Variants in TTC39B observed in about 807,000 individuals in gnomAD.
TTC39B encodes the protein tetratricopeptide repeat protein 39B.
In TTC39B, 92 loss-of-function variants were observed where a neutral mutation model predicts 96.6. That is an observed-to-expected ratio of 0.95 (90% CI 0.80 to 1.13). The LOEUF is 1.13. TTC39B is among the 50% of genes most tolerant of loss of function. The probability of loss-of-function intolerance (pLI) is 0.00; values close to 1 mark genes in which losing one functional copy is unlikely to be tolerated. For synonymous variants in TTC39B, 367 were observed against 299.4 expected (o/e 1.23, Z -2.33); for missense variants, 955 against 809.3 (o/e 1.18, Z -2.18).
intron 2 of TTC39B, among the ~76,000 whole-genome samples, chr9:15,266,422 C>T (rs1458012393): frequency 6.6e-6 from 1 of 151,766 alleles, no homozygotes; most frequent in Non-Finnish European, 1.5e-5. Context: ...CTGAAAAAAG[C>T]TAAGAGACAA....
intron 2 of TTC39B, chr9:15,249,011 G>A (rs186535472): frequency 1.3e-5 from 2 of 152,106 alleles, no homozygotes; most frequent in Admixed American, 1.3e-4. Context: ...TAAGATAAAG[G>A]AACAAAATCA....
chr9:15,212,474 G>T (rs971943837), intron 4 of TTC39B, among the ~76,000 whole-genome samples: 14 of 152,142 alleles, frequency 9.2e-5, no homozygotes, highest in African/African-American at 3.4e-4. Context: ...TGCCCAGGCT[G>T]AAGTACAATG....
chr9:15,267,056 G>T lies in TTC39B; in HGVS notation c.275+858C>A, dbSNP rs577047754. 9.2e-5 allele frequency among the ~76,000 whole-genome samples: 14 copies of T among 152,286 alleles called. No homozygotes were observed. The South Asian group carries it at 2.5e-3, about 27-fold the overall frequency. ...ATCGTGCCACTGCACTCCAACCTGG[G>T]CGACAGAGCGAGACTCCGTCTCAAA... On this transcript the variant is annotated intron_variant, in intron 2 of 19. Transcript: ENST00000512701.
intron 2 of TTC39B, among the ~76,000 whole-genome samples, chr9:15,233,595 T>C (rs562898760): frequency 1.7e-4 from 26 of 152,092 alleles, no homozygotes; most frequent in African/African-American, 6.3e-4. Context: ...TAACCGCCAG[T>C]GATCCGCCAG....
intron 2 of TTC39B, among the ~76,000 whole-genome samples, chr9:15,256,666 T>A (rs1174631146): frequency 1.3e-5 from 2 of 151,932 alleles, no homozygotes; most frequent in African/African-American, 4.8e-5. Flanking sequence ...TTTGGTGGAG[T>A]CACTGAGAAA....
intron 2 of TTC39B, among the ~76,000 whole-genome samples, chr9:15,235,053 C>CAA (rs879895256): frequency 8.6e-5 from 10 of 116,582 alleles, no homozygotes; most frequent in Admixed American, 2.4e-4. Flanking sequence ...AAAACAAAAA[C>CAA]AAAACAAAAC....
At chr9:15,297,545 C>G (rs1479875137) in intron 1 of TTC39B, among the ~76,000 whole-genome samples, 1 of 152,108 alleles carries the variant, frequency 6.6e-6, no homozygotes, top group Non-Finnish European at 1.5e-5. Context: ...TAGACTCTAC[C>G]CTGCACTCCA....
At chr9:15,170,044 T>C (rs1051237794) in exon 20 of TTC39B, 4 of 152,190 alleles carry the variant, frequency 2.6e-5, no homozygotes, top group Admixed American at 2.0e-4. Flanking sequence ...AAAGCTTTTT[T>C]TGGAAAACTT....
chr9:15,180,713 T>C (rs1241633172), intron 17 of TTC39B, among the ~76,000 whole-genome samples: 1 of 152,218 alleles, frequency 6.6e-6, no homozygotes, highest in Non-Finnish European at 1.5e-5. Context: ...TATGGACTTT[T>C]TCTTCCCTGC....
chr9:15,284,046 G>A (rs80257424), intron 1 of TTC39B, among the ~76,000 whole-genome samples: 3,141 of 152,154 alleles, frequency 0.021, 109 homozygotes, highest in African/African-American at 0.068. Context: ...CACTTTAACA[G>A]GCAAAACAAT....
At chr9:15,195,867 G>C (rs941714003) in intron 8 of TTC39B, among the ~76,000 whole-genome samples, 1 of 152,172 alleles carries the variant, frequency 6.6e-6, no homozygotes, top group African/African-American at 2.4e-5. Flanking sequence ...GAGAGGAGAA[G>C]TCAACGCCTG....
chr9:15,288,170 T>C (rs976866322), intron 1 of TTC39B, among the ~76,000 whole-genome samples: 1 of 151,938 alleles, frequency 6.6e-6, no homozygotes, highest in African/African-American at 2.4e-5. Context: ...TTGTGAGAAA[T>C]ACCAATACAT....
intron 3 of TTC39B, among the ~76,000 whole-genome samples, chr9:15,222,404 G>A (rs10961920): frequency 5.3e-5 from 8 of 152,232 alleles, no homozygotes; most frequent in Non-Finnish European, 1.2e-4. Context: ...TCAATCTTTA[G>A]AACTTTCTCA....
chr9:15,242,269 A>G (rs1267161831), intron 2 of TTC39B, among the ~76,000 whole-genome samples: 1 of 152,100 alleles, frequency 6.6e-6, no homozygotes. Context: ...CTAGACATAC[A>G]CTTTTAAGAA....
intron 3 of TTC39B, among the ~76,000 whole-genome samples, chr9:15,222,264 G>A (rs1375819152): frequency 6.6e-6 from 1 of 152,180 alleles, no homozygotes; most frequent in Admixed American, 6.5e-5. Flanking sequence ...AATCTGTCCT[G>A]CATTCTTTTT....
intron 1 of TTC39B, among the ~76,000 whole-genome samples, chr9:15,293,472 T>C (rs1388941662): frequency 6.6e-6 from 1 of 152,102 alleles, no homozygotes; most frequent in Non-Finnish European, 1.5e-5. Flanking sequence ...GACCACCTTT[T>C]AGGAAATTGG....
intron 4 of TTC39B, among the ~76,000 whole-genome samples, chr9:15,212,533 C>T (rs1820265941): frequency 6.6e-6 from 1 of 152,230 alleles, no homozygotes; most frequent in African/African-American, 2.4e-5. Flanking sequence ...TCAAGTGATT[C>T]TCCTGCCTCG....
intron 2 of TTC39B, among the ~76,000 whole-genome samples, chr9:15,242,432 A>T (rs770156849): frequency 6.6e-6 from 1 of 151,986 alleles, no homozygotes; most frequent in African/African-American, 2.4e-5. Context: ...AAATACGAAA[A>T]ATCAGCCAGG....
chr9:15,205,975 T>C (rs1439389143), intron 6 of TTC39B, among the ~76,000 whole-genome samples: 1 of 151,900 alleles, frequency 6.6e-6, no homozygotes, highest in African/African-American at 2.4e-5. Flanking sequence ...AATGTTAGAG[T>C]CTGCACTTGA....
Sources: allele counts gnomAD v4.1 joint callset (sites outside exome capture counted in the v4.1 genomes callset), GRCh38; gene constraint gnomAD v4.1.1; transcripts MANE v1.5; gene names NCBI Gene and HGNC (gene_info 2026-07-23, HGNC 2026-07-21).